Variants in HSD17B12 observed in about 807,000 individuals in gnomAD.
HSD17B12 encodes hydroxysteroid 17-beta dehydrogenase 12.
Under a neutral mutation model 39.3 loss-of-function variants are expected in HSD17B12, and 32 were observed. The ratio of observed to expected loss-of-function variants is 0.81; its 90% confidence interval spans 0.61 to 1.09. The LOEUF (loss-of-function observed/expected upper bound fraction) is 1.09. HSD17B12 is among the 50% of genes least tolerant of loss of function. The pLI is 0.00. For missense variants in HSD17B12, 342 were observed against 382.9 expected (o/e 0.89, Z 0.89); for synonymous variants, 150 against 146.7 (o/e 1.02, Z -0.16).
At chr11:43,757,149 C>T (rs1950513682) in intron 3 of HSD17B12, among the ~76,000 whole-genome samples, 1 of 151,998 alleles carries the variant, frequency 6.6e-6, no homozygotes, top group Non-Finnish European at 1.5e-5. Context: ...ATATTTATTC[C>T]AGGAGAAAGA....
At chr11:43,694,564 T>TGTAG (rs1460450986) in intron 1 of HSD17B12, among the ~76,000 whole-genome samples, 1 of 152,038 alleles carries the variant, frequency 6.6e-6, no homozygotes, top group African/African-American at 2.4e-5. Context: ...GGTACATGCC[T>TGTAG]GTAGTCCCAG....
At chr11:43,728,757 TTTG>T (rs1302007901) in intron 1 of HSD17B12, among the ~76,000 whole-genome samples, 1 of 152,188 alleles carries the variant, frequency 6.6e-6, no homozygotes, top group Non-Finnish European at 1.5e-5. Flanking sequence ...ATAGTTAATT[TTTG>T]TTAATTAAAA....
intron 9 of HSD17B12, 64 bp downstream of exon 9, chr11:43,840,128 T>A (rs1205142358): frequency 7.6e-7 from 1 of 1,318,092 alleles, no homozygotes; most frequent in South Asian, 1.3e-5. Context: ...CAACTGTTGC[T>A]GTCTTGGCAA....
intron 1 of HSD17B12, among the ~76,000 whole-genome samples, chr11:43,686,973 G>A (rs1366233753): frequency 1.3e-5 from 2 of 151,214 alleles, no homozygotes; most frequent in Middle Eastern, 3.4e-3. Flanking sequence ...TGTTGTTGTT[G>A]GTTTTGGTTG....
intron 4 of HSD17B12, among the ~76,000 whole-genome samples, chr11:43,799,751 C>G (rs1950948433): frequency 6.6e-6 from 1 of 152,182 alleles, no homozygotes; most frequent in African/African-American, 2.4e-5. Flanking sequence ...CCCCACTTCC[C>G]TTTCTCATCC....
chr11:43,768,743 A>G (rs1590283320), intron 3 of HSD17B12, among the ~76,000 whole-genome samples: 1 of 152,346 alleles, frequency 6.6e-6, no homozygotes, highest in Non-Finnish European at 1.5e-5. Flanking sequence ...AACATTCCAC[A>G]GCACAGAAGG....
the HSD17B12 span, chr11:43,673,205 A>G: frequency 6.6e-6 from 1 of 152,218 alleles, no homozygotes; most frequent in Non-Finnish European, 1.5e-5. Flanking sequence ...CATTCTATAG[A>G]ACTACTCCTG....
At chr11:43,782,996 T>C (rs968832383) in intron 3 of HSD17B12, among the ~76,000 whole-genome samples, 2 of 152,106 alleles carry the variant, frequency 1.3e-5, no homozygotes, top group Non-Finnish European at 2.9e-5. Context: ...CTGAATCTAA[T>C]CATGAGGAAG....
At chr11:43,776,529 C>T (rs1054827953) in intron 3 of HSD17B12, among the ~76,000 whole-genome samples, 20 of 152,122 alleles carry the variant, frequency 1.3e-4, no homozygotes, top group South Asian at 2.1e-4. Context: ...GAGTATGTTG[C>T]GAAAATTTTC....
rs1483074005 is a variant in HSD17B12 at position 43,856,008 on chromosome 11, A to G, written c.*760A>G. ...GGTACCACTGAAACCCTGACCCAGAAAAGTGGCTTGCTTGGACACCCAGCT... is the reference window on the plus strand; with the variant it reads ...GGTACCACTGAAACCCTGACCCAGAGAAGTGGCTTGCTTGGACACCCAGCT... On this transcript the variant is annotated 3_prime_UTR_variant, in exon 11 of 11. Coordinates refer to ENST00000278353, the MANE Select transcript of HSD17B12 (RefSeq NM_016142.3). 6.6e-6 allele frequency: 1 copy of G among 152,508 alleles called. No homozygotes were observed. Among genetic ancestry groups the G allele is most frequent in the Non-Finnish European group, 1.5e-5 (1 of 68,028 alleles). 9.4% of individuals were successfully genotyped at this position (152,508 alleles called of 1,614,324 possible). A position where few individuals can be genotyped will look rare whatever the true frequency, so the allele number is the denominator to read the frequency against.
the HSD17B12 span, among the ~76,000 whole-genome samples, chr11:43,642,925 G>A: frequency 1.3e-5 from 2 of 151,790 alleles, no homozygotes; most frequent in East Asian, 3.9e-4. Context: ...AATAGTAAGG[G>A]GCACATTTAA....
chr11:43,810,966 G>A (rs1951067984), intron 4 of HSD17B12, among the ~76,000 whole-genome samples: 1 of 152,156 alleles, frequency 6.6e-6, no homozygotes, highest in East Asian at 1.9e-4. Context: ...AGCAACATGT[G>A]CCATTGTTTG....
chr11:43,659,355 C>A, the HSD17B12 span, among the ~76,000 whole-genome samples: 2 of 152,198 alleles, frequency 1.3e-5, no homozygotes, highest in Non-Finnish European at 2.9e-5. Flanking sequence ...TGAGGCGATG[C>A]CTTGCCCTGC....
At chr11:43,762,178 G>T (rs1565078686) in intron 3 of HSD17B12, among the ~76,000 whole-genome samples, 1 of 151,642 alleles carries the variant, frequency 6.6e-6, no homozygotes, top group African/African-American at 2.4e-5. Context: ...AAATTAAGAA[G>T]AAAAAAAAGA....
At chr11:43,790,176 G>T (rs957191720) in intron 3 of HSD17B12, among the ~76,000 whole-genome samples, 2 of 152,062 alleles carry the variant, frequency 1.3e-5, no homozygotes, top group African/African-American at 4.8e-5. Flanking sequence ...TAATTTAAAG[G>T]TTAATTACAA....
At chr11:43,777,281 T>C (rs1405608281) in intron 3 of HSD17B12, among the ~76,000 whole-genome samples, 1 of 152,204 alleles carries the variant, frequency 6.6e-6, no homozygotes, top group Non-Finnish European at 1.5e-5. Context: ...TTTTATTTCG[T>C]TGAGCAGTGG....
the HSD17B12 span, among the ~76,000 whole-genome samples, chr11:43,584,210 T>G: frequency 1.3e-5 from 2 of 152,180 alleles, no homozygotes; most frequent in African/African-American, 4.8e-5. Context: ...TTCCCGGACC[T>G]GTGGTTGCTT....
intron 9 of HSD17B12, among the ~76,000 whole-genome samples, chr11:43,842,217 A>G (rs534000873): frequency 6.6e-6 from 1 of 152,204 alleles, no homozygotes; most frequent in Non-Finnish European, 1.5e-5. Flanking sequence ...TAGAGCATCA[A>G]GATGGGTGTA....
At chr11:43,742,141 T>TATATA (rs1355652690) in intron 1 of HSD17B12, among the ~76,000 whole-genome samples, 2 of 124,296 alleles carry the variant, frequency 1.6e-5, no homozygotes, top group Non-Finnish European at 3.5e-5. Flanking sequence ...ATATATATAT[T>TATATA]TTTTTTTTTA....
Sources: allele counts gnomAD v4.1 joint callset (sites outside exome capture counted in the v4.1 genomes callset), GRCh38; gene constraint gnomAD v4.1.1; transcripts MANE v1.5; gene names NCBI Gene and HGNC (gene_info 2026-07-23, HGNC 2026-07-21).